The following HACL1 variants were observed in gnomAD, a reference collection of about 807,000 sequenced individuals.
HACL1 encodes 1600020H07Rik.
A neutral mutation model predicts 74.2 loss-of-function variants in HACL1; 64 were observed. The ratio of observed to expected loss-of-function variants is 0.86; its 90% CI spans 0.70 to 1.06. The LOEUF is 1.06. Ranked by LOEUF, HACL1 falls within the 50% of genes least tolerant of loss-of-function variation. The pLI is 0.00. For missense variants in HACL1, 728 were observed against 719.7 expected, an observed-to-expected ratio of 1.01 and a Z score of -0.13; for synonymous variants, 230 against 238.8, an observed-to-expected ratio of 0.96 and a Z score of 0.34.
At chr3:15,593,511 G>C (rs1051870936) in intron 3 of HACL1, among the ~76,000 whole-genome samples, 1 of 151,672 alleles carries the variant, frequency 6.6e-6, no homozygotes, top group East Asian at 2.0e-4. Flanking sequence ...AAGCCAGCAT[G>C]CCTGGCCCAA....
chr3:15,571,826 T>C (rs1393827273), intron 11 of HACL1, 57 bp from the exon 12 acceptor site: 2 of 444,268 alleles, frequency 4.5e-6, no homozygotes, highest in Non-Finnish European at 3.9e-6. Context: ...TTGCCTTTTT[T>C]TTCTTTTTTT....
Position 15,568,404 on chromosome 3 carries a change from C to T in HACL1, c.1250+28G>A, listed in dbSNP as rs200222129. ...ATATTAAACACATTATAATGAATTA[C>T]GACTTCTTTCTTCTTTAGAAGTCTT... On this transcript the variant is annotated intron_variant, in intron 13 of 16. Transcript: ENST00000321169. 18 of 1,410,696 alleles carry T rather than the reference C, an allele frequency of 1.3e-5. No homozygotes were observed. The East Asian group carries it at 3.0e-4, about 23-fold the overall frequency. 87.4% of individuals were successfully genotyped at this position (1,410,696 alleles called of 1,614,324 possible). A position where few individuals can be genotyped will look rare whatever the true frequency, so the allele number is the denominator to read the frequency against.
At position 15,571,684 on chromosome 3, in the gene HACL1, T is replaced by A. The variant is rs377248920; in HGVS notation, c.1079A>T (p.Asn360Ile). 1.4e-6 allele frequency: 2 copies of A among 1,460,240 alleles called. No homozygotes were observed. The highest frequency in any genetic ancestry group is 9.6e-7 in the Non-Finnish European group (1 of 1,040,344). The allele number at this position is 1,460,240 out of a possible 1,614,324, so 90.5% of individuals were successfully genotyped here. The change falls in exon 12 of 17, where the codon AAT (asparagine) becomes ATT (isoleucine). Residue 360 changes from asparagine to isoleucine, a missense_variant. Physicochemically the swap from Asn to Ile is moderately radical, Grantham distance 149. Coordinates refer to ENST00000321169, the MANE Select transcript of HACL1 (RefSeq NM_012260.4). ...WKTLREKMKS[N>I]EAASKELASK... ...CGATTTTACCTTGGATGCAGCTTCATTGCTCTTCATTTTTTCTCTCAGAGT... is the reference window on the plus strand; with the variant it reads ...CGATTTTACCTTGGATGCAGCTTCAATGCTCTTCATTTTTTCTCTCAGAGT...
At chr3:15,577,131 T>A (rs899474309) in intron 9 of HACL1, among the ~76,000 whole-genome samples, 2 of 152,136 alleles carry the variant, frequency 1.3e-5, no homozygotes, top group Admixed American at 1.3e-4. Context: ...TAAATAAAAA[T>A]ACAACATATT....
intron 11 of HACL1, among the ~76,000 whole-genome samples, chr3:15,572,650 G>A (rs1252120599): frequency 2.0e-5 from 3 of 152,204 alleles, no homozygotes; most frequent in Non-Finnish European, 4.4e-5. Context: ...AAAATCAAGT[G>A]ATAAATGTGA....
chr3:15,573,850 T>C (rs1377985811), intron 10 of HACL1, among the ~76,000 whole-genome samples: 4 of 152,244 alleles, frequency 2.6e-5, no homozygotes, highest in African/African-American at 9.6e-5. Flanking sequence ...GGACAAATGA[T>C]GGCTTCTGCA....
At position 15,579,917 on chromosome 3, in the gene HACL1, TG is replaced by T; in HGVS notation, c.795del (p.Arg266AspfsTer10). The T allele has an allele frequency of 6.3e-7, 1 of 1,587,780 alleles. No homozygotes were observed. Among genetic ancestry groups the T allele is most frequent in the Non-Finnish European group, 8.6e-7 (1 of 1,168,530 alleles). ...PDNHPYCVGAARSRALQFADV... is the reference protein window; with the variant it reads ...PDNHPYCVGAXRSRALQFADV... ...ATCTGGAATGCCACACACCTGGATC[TG>T]GCTGCACCTACACAGTATGGATGGT... is the stretch of plus-strand genomic sequence containing the variant. On this transcript the variant is annotated frameshift_variant, in exon 9 of 17. Transcript: ENST00000321169. LOFTEE classifies it high-confidence loss of function.
At chr3:15,572,715 A>C (rs1357592001) in intron 11 of HACL1, among the ~76,000 whole-genome samples, 1 of 152,260 alleles carries the variant, frequency 6.6e-6, no homozygotes, top group Non-Finnish European at 1.5e-5. Flanking sequence ...AAATAATAAC[A>C]ACCTGTGGAA....
chr3:15,593,676 T>C (rs1210553518), intron 3 of HACL1, among the ~76,000 whole-genome samples: 1 of 152,060 alleles, frequency 6.6e-6, no homozygotes, highest in African/African-American at 2.4e-5. Context: ...TTCATTTTTG[T>C]ATGAAAAAAG....
intron 14 of HACL1, among the ~76,000 whole-genome samples, chr3:15,566,745 T>TC (rs374866518): frequency 0.12 from 18,240 of 150,434 alleles, 1,185 homozygotes; most frequent in East Asian, 0.17. Flanking sequence ...TTTTTTTTTT[T>TC]CAAGGAATTT....
chr3:15,563,644 T>A, intron 15 of HACL1, 100 bp from the exon 16 acceptor site: 1 of 683,530 alleles, frequency 1.5e-6, no homozygotes, highest in Non-Finnish European at 2.5e-6. Context: ...TCAGCTGAAC[T>A]CAAAGGCATA....
intron 7 of HACL1, among the ~76,000 whole-genome samples, chr3:15,583,759 G>A (rs1282936658): frequency 6.6e-6 from 1 of 151,522 alleles, no homozygotes; most frequent in Non-Finnish European, 1.5e-5. Flanking sequence ...CCAAGTTCAA[G>A]CGATTCTCCT....
In HACL1 at chr3:15,571,764, TAA is replaced by T; in HGVS notation, c.997_998del (p.Leu333ArgfsTer4). ...GNIHAVTKQL[L>X]EELDKTPWQY... The stretch of plus-strand genomic sequence containing the variant: ...GCCATGGTGTTTTATCAAGTTCCTC[TAA>T]AAGCTTAAAAAAAAAAAAACACACA... On this transcript the variant is annotated frameshift_variant, in exon 12 of 17. Coordinates refer to ENST00000321169, the MANE Select transcript of HACL1 (RefSeq NM_012260.4). LOFTEE classifies it high-confidence loss of function. 9.7e-7 allele frequency: 1 copy of T among 1,027,156 alleles called. No homozygotes were observed. The highest frequency in any genetic ancestry group is 1.4e-6 in the Non-Finnish European group (1 of 729,460). 63.6% of individuals were successfully genotyped at this position (1,027,156 alleles called of 1,614,324 possible). A position where few individuals can be genotyped will look rare whatever the true frequency, so the allele number is the denominator to read the frequency against.
chr3:15,598,971 C>T (rs2064125352), intron 2 of HACL1, among the ~76,000 whole-genome samples: 1 of 152,244 alleles, frequency 6.6e-6, no homozygotes, highest in South Asian at 2.1e-4. Flanking sequence ...ATATGATCTA[C>T]ACAATCAATC....
intron 12 of HACL1, among the ~76,000 whole-genome samples, chr3:15,570,855 A>G (rs568270551): frequency 2.0e-5 from 3 of 152,256 alleles, no homozygotes; most frequent in African/African-American, 7.2e-5. Context: ...CATTGGATCA[A>G]AATTTCAATT....
At chr3:15,577,446 T>C (rs1559552946) in intron 9 of HACL1, among the ~76,000 whole-genome samples, 1 of 151,272 alleles carries the variant, frequency 6.6e-6, no homozygotes, top group Non-Finnish European at 1.5e-5. Context: ...AAAAGATATT[T>C]AGGGGACTGC....
chr3:15,596,137 T>C lies in HACL1; in HGVS notation c.227+247A>G, dbSNP rs961702537. 5 of 441,938 alleles carry C rather than the reference T, an allele frequency of 1.1e-5. No homozygotes were observed. The South Asian group carries it at 1.1e-4, about 10-fold the overall frequency. The allele number at this position is 441,938 out of a possible 1,614,324, so 27.4% of individuals were successfully genotyped here. A position where few individuals can be genotyped will look rare whatever the true frequency, so the allele number is the denominator to read the frequency against. On this transcript the variant is annotated intron_variant, in intron 3 of 16. Transcript: ENST00000321169. Reference sequence around the variant, plus strand: ...TTGTGAGATCCAAGACAAGGTATCATACATCAACTCACTATCTGATCACCA... The same window carrying C: ...TTGTGAGATCCAAGACAAGGTATCACACATCAACTCACTATCTGATCACCA...
rs999656083 is a variant in HACL1, at chr3:15,563,521, G to A, written c.1541C>T (p.Pro514Leu). Residue 514 changes from proline (P) to leucine (L), a missense_variant, in exon 16 of 17, where the codon CCA (proline) becomes CTA (leucine). Transcript: ENST00000321169. Reference sequence around the variant, plus strand: ...CATGACTTGCTCATAATGTGAATTTGGCAGCAAACACATTGGAGGGACCCT... The same window carrying A: ...CATGACTTGCTCATAATGTGAATTTAGCAGCAAACACATTGGAGGGACCCT... ...TAVVPPMCLL[P>L]NSHYEQVMTA... is the part of the protein sequence containing the mutation. The A allele has an allele frequency of 1.2e-6, 2 of 1,610,048 alleles. No individual in the cohort carries two copies. Among genetic ancestry groups the A allele is most frequent in the African/African-American group, 1.3e-5 (1 of 74,910 alleles).
intron 9 of HACL1, 33 bp from the exon 10 acceptor site, chr3:15,575,115 C>T (rs544189637): frequency 9.6e-7 from 1 of 1,039,910 alleles, no homozygotes; most frequent in East Asian, 2.4e-5. Context: ...AGTATAACTA[C>T]ATTTCTTATT....
Sources: gnomAD v4.1 joint callset for allele counts (sites outside exome capture counted in the v4.1 genomes callset) on GRCh38, gnomAD v4.1.1 for gene constraint, MANE v1.5 for transcripts, NCBI Gene and HGNC (gene_info 2026-07-23, HGNC 2026-07-21) for gene names.